The following RPH3AL variants were observed in gnomAD, a reference collection of about 807,000 sequenced individuals.
RPH3AL encodes the protein rab effector Noc2.
In RPH3AL, 38 loss-of-function variants were observed where a neutral mutation model predicts 43.1. That is an observed-to-expected ratio of 0.88 (90% confidence interval 0.68 to 1.15). The LOEUF (loss-of-function observed/expected upper bound fraction) is 1.15, where lower values mean the gene tolerates loss of function less well. RPH3AL is among the 50% of genes most tolerant of loss of function. The probability of loss-of-function intolerance (pLI) is 0.00; values close to 1 mark genes in which losing one functional copy is unlikely to be tolerated. For synonymous variants in RPH3AL, 189 were observed against 176.3 expected (o/e 1.07, Z -0.57); for missense variants, 462 against 423.2 (o/e 1.09, Z -0.81).
chr17:257,563 T>G (rs370183357), intron 6 of RPH3AL, among the ~76,000 whole-genome samples: 5 of 32,448 alleles, frequency 1.5e-4, no homozygotes, highest in South Asian at 1.5e-3. Context: ...CCTAGGAATG[T>G]GACTACCCTA....
chr17:302,711 C>T (rs1037127409), intron 5 of RPH3AL, among the ~76,000 whole-genome samples: 1 of 152,188 alleles, frequency 6.6e-6, no homozygotes, highest in African/African-American at 2.4e-5. Context: ...AAAAGGGGAG[C>T]TACAGGGAAG....
intron 1 of RPH3AL, chr17:338,836 T>C (rs1455402156): frequency 6.6e-6 from 1 of 152,136 alleles, no homozygotes; most frequent in Non-Finnish European, 1.5e-5. Context: ...GAGAAGCTTC[T>C]AGGGAAAAAG....
intron 6 of RPH3AL, among the ~76,000 whole-genome samples, chr17:259,479 G>A (rs1255321913): frequency 2.0e-5 from 3 of 152,090 alleles, no homozygotes; most frequent in East Asian, 1.9e-4. Flanking sequence ...CCTGTCACCC[G>A]CTGCCTGGCA....
At position 266,203 on chromosome 17, in the gene RPH3AL, G is replaced by GGTGTGT. The variant is rs35841649; in HGVS notation, c.438+15559_438+15564dup. 6.5e-3 allele frequency among the ~76,000 whole-genome samples: 971 copies of GGTGTGT among 148,702 alleles called. 6 individuals are homozygous for GGTGTGT. Among genetic ancestry groups the GGTGTGT allele is most frequent in the African/African-American group, 0.022 (876 of 40,356 alleles). On this transcript the variant is annotated intron_variant, in intron 6 of 9. Transcript: ENST00000331302. ...AAAGATGACACTTTAAGGCCCCAGT[G>GGTGTGT]GTGTGTGTGTGTGTGTGTGTGTGTG... is the stretch of plus-strand genomic sequence containing the variant.
At chr17:321,530 G>C in intron 3 of RPH3AL, 115 bp from the exon 4 acceptor site, 1 of 1,244,222 alleles carries the variant, frequency 8.0e-7, no homozygotes, top group Non-Finnish European at 1.1e-6. Flanking sequence ...CAGGTGCCGC[G>C]TGCCGGGACG....
At chr17:331,599 G>C (rs977210952) in intron 2 of RPH3AL, 28 of 1,285,468 alleles carry the variant, frequency 2.2e-5, no homozygotes, top group Non-Finnish European at 2.8e-5. Flanking sequence ...CACATTTTAG[G>C]AAACTGCCCA....
intron 6 of RPH3AL, among the ~76,000 whole-genome samples, chr17:268,853 C>T (rs2042386372): frequency 1.3e-5 from 2 of 151,868 alleles, no homozygotes; most frequent in African/African-American, 4.8e-5. Context: ...TTCATGCTAC[C>T]AGGCCTGGAT....
chr17:240,582 G>C (rs1039841956), intron 7 of RPH3AL, among the ~76,000 whole-genome samples: 1 of 152,136 alleles, frequency 6.6e-6, no homozygotes. Flanking sequence ...CTTCCACTTC[G>C]CATGGTGTTT....
At chr17:315,755 A>G in intron 5 of RPH3AL, among the ~76,000 whole-genome samples, 1 of 133,164 alleles carries the variant, frequency 7.5e-6, no homozygotes, top group East Asian at 2.4e-4. Context: ...CTCCACATCC[A>G]TTGACCTTTA....
chr17:279,775 T>A (rs2042735252), intron 6 of RPH3AL, among the ~76,000 whole-genome samples: 3 of 152,154 alleles, frequency 2.0e-5, no homozygotes, highest in African/African-American at 7.2e-5. Context: ...ATGTGCATTG[T>A]CAAAGGGGTC....
At position 328,848 on chromosome 17, in the gene RPH3AL, C is replaced by A. The variant is rs531000929; in HGVS notation, c.-36-1269G>T. 1.3e-5 allele frequency among the ~76,000 whole-genome samples: 2 copies of A among 152,274 alleles called. No homozygotes were observed. Among genetic ancestry groups the A allele is most frequent in the South Asian group, 4.1e-4 (2 of 4,826 alleles). On this transcript the variant is annotated intron_variant, in intron 2 of 9. Transcript: ENST00000331302. The surrounding 1 kb of genome is among the most constrained non-coding windows in gnomAD (Gnocchi z 4.2). ...AATACCAGCTACAACATGGATGAAT[C>A]TTTAAAACATCCTAAGTAAGAAAAG... is the stretch of plus-strand genomic sequence containing the variant.
chr17:301,977 C>T (rs1204667709), intron 5 of RPH3AL, among the ~76,000 whole-genome samples: 1 of 152,244 alleles, frequency 6.6e-6, no homozygotes, highest in African/African-American at 2.4e-5. Context: ...CAGCGGCTCT[C>T]AGAAGCACCC....
chr17:219,819 C>T (rs960014996), intron 7 of RPH3AL, 83 bp from the exon 8 acceptor site: 52 of 992,570 alleles, frequency 5.2e-5, no homozygotes, highest in Non-Finnish European at 7.9e-5. Flanking sequence ...GGGCAGGCCT[C>T]CCCAGCTCAT....
chr17:311,935 G>A (rs1040997178), intron 5 of RPH3AL, among the ~76,000 whole-genome samples: 2 of 152,132 alleles, frequency 1.3e-5, no homozygotes, highest in Non-Finnish European at 2.9e-5. Flanking sequence ...TGGAGAGAAG[G>A]TCTTTAGGAG....
At chr17:240,787 C>T (rs1484071260) in intron 7 of RPH3AL, among the ~76,000 whole-genome samples, 4 of 152,144 alleles carry the variant, frequency 2.6e-5, no homozygotes, top group African/African-American at 7.2e-5. Flanking sequence ...CGGCCGGGCA[C>T]GGTGGCTCAT....
At chr17:351,103 C>T (rs2045345594) in intron 1 of RPH3AL, among the ~76,000 whole-genome samples, 1 of 152,158 alleles carries the variant, frequency 6.6e-6, no homozygotes, top group Non-Finnish European at 1.5e-5. Flanking sequence ...CACAGAGGGC[C>T]AAGGCTCAGC....
rs113646368 is a variant in RPH3AL at position 274,088 on chromosome 17, A to G, written c.438+7680T>C. On this transcript the variant is annotated intron_variant, in intron 6 of 9. Transcript: ENST00000331302. This position sits in a 1 kb window ranked among gnomAD's most constrained non-coding sequence, Gnocchi z 4.7. ...AGTGAGTCATTCTTCGTTTTCGTTTAGTGGATAGGGATTCGAGGCTAAACA... is the reference window on the plus strand; with the variant it reads ...AGTGAGTCATTCTTCGTTTTCGTTTGGTGGATAGGGATTCGAGGCTAAACA... 8.9e-4 allele frequency among the ~76,000 whole-genome samples: 136 copies of G among 152,306 alleles called. 2 individuals are homozygous for G. Among genetic ancestry groups the G allele is most frequent in the African/African-American group, 3.2e-3 (135 of 41,574 alleles).
intron 6 of RPH3AL, among the ~76,000 whole-genome samples, chr17:275,252 AAAAAG>A: frequency 6.6e-6 from 1 of 150,946 alleles, no homozygotes; most frequent in Admixed American, 6.7e-5. Flanking sequence ...CAAAAAACAA[AAAAAG>A]GAGAGTAACC....
At chr17:332,906 G>C (rs371292516) in intron 2 of RPH3AL, 5 of 791,242 alleles carry the variant, frequency 6.3e-6, no homozygotes, top group Middle Eastern at 3.2e-4. Flanking sequence ...GTAAAACCCC[G>C]CAGTACAGGG....
Sources: allele counts gnomAD v4.1 joint callset (sites outside exome capture counted in the v4.1 genomes callset), GRCh38; gene constraint gnomAD v4.1.1; non-coding constraint Gnocchi (gnomAD v3.1); transcripts MANE v1.5; gene names NCBI Gene and HGNC (gene_info 2026-07-23, HGNC 2026-07-21).